The following TGFBRAP1 variants were observed in gnomAD, a reference collection of about 807,000 sequenced individuals.
TGFBRAP1 encodes transforming growth factor beta receptor associated protein 1, also known as transforming growth factor-beta receptor-associated protein 1.
In TGFBRAP1, 20 loss-of-function variants were observed where a neutral mutation model predicts 83.2. The observed-to-expected ratio is 0.24, with a 90% confidence interval of 0.17 to 0.35. The LOEUF (loss-of-function observed/expected upper bound fraction) is 0.35. Ranked by LOEUF, TGFBRAP1 falls within the 10% of genes least tolerant of loss-of-function variation. TGFBRAP1 has a pLI of 1.00. For missense variants in TGFBRAP1, 950 were observed against 1,099.4 expected (o/e 0.86, Z 1.92); for synonymous variants, 415 against 459.8 (o/e 0.90, Z 1.25).
chr2:105,329,735 C>G lies in TGFBRAP1; in HGVS notation c.-128G>C, dbSNP rs1450158614. 1 of 147,782 alleles carries G rather than the reference C, an allele frequency of 6.8e-6. No homozygotes were observed. Among genetic ancestry groups the G allele is most frequent in the Non-Finnish European group, 1.5e-5 (1 of 66,174 alleles). 9.2% of individuals were successfully genotyped at this position (147,782 alleles called of 1,614,324 possible). A position where few individuals can be genotyped will look rare whatever the true frequency, so the allele number is the denominator to read the frequency against. ...ACCCCGCAGCCGCCGCTTCCCGTCACGTGGGGCGGCCGCCAGGCGCTGGCG... is the reference window on the plus strand; with the variant it reads ...ACCCCGCAGCCGCCGCTTCCCGTCAGGTGGGGCGGCCGCCAGGCGCTGGCG... On this transcript the variant is annotated 5_prime_UTR_variant, in exon 1 of 12. Transcript: ENST00000393359.
chr2:105,280,305 G>T, intron 6 of TGFBRAP1, 77 bp downstream of exon 6: 1 of 1,472,746 alleles, frequency 6.8e-7, no homozygotes, highest in African/African-American at 1.4e-5. Flanking sequence ...GTCACTTCAC[G>T]AGGATCTCCC....
intron 1 of TGFBRAP1, among the ~76,000 whole-genome samples, chr2:105,317,444 AAAAAAG>A (rs1424302505): frequency 2.0e-5 from 3 of 152,138 alleles, no homozygotes; most frequent in African/African-American, 7.2e-5. Flanking sequence ...CAAAAAAAAA[AAAAAAG>A]AAAGCTAGAT....
At chr2:105,323,974 T>C (rs1014438024) in intron 1 of TGFBRAP1, among the ~76,000 whole-genome samples, 1 of 152,070 alleles carries the variant, frequency 6.6e-6, no homozygotes, top group African/African-American at 2.4e-5. Context: ...ACAAAATCTC[T>C]CACACCCTTT....
At chr2:105,285,087 G>A (rs145752091) in intron 4 of TGFBRAP1, among the ~76,000 whole-genome samples, 2 of 152,184 alleles carry the variant, frequency 1.3e-5, no homozygotes, top group South Asian at 2.1e-4. Flanking sequence ...TGGTGTCCTC[G>A]TCTTGCCATT....
At chr2:105,256,816 C>T in the TGFBRAP1 span, among the ~76,000 whole-genome samples, 1 of 152,162 alleles carries the variant, frequency 6.6e-6, no homozygotes, top group Admixed American at 6.5e-5. Flanking sequence ...AGAAGGTCGG[C>T]ACAAGATACA....
chr2:105,251,491 G>C, the TGFBRAP1 span, among the ~76,000 whole-genome samples: 276 of 151,614 alleles, frequency 1.8e-3, 2 homozygotes, highest in African/African-American at 6.2e-3. Flanking sequence ...GTCTCCGCCC[G>C]GCAGCCACAC....
intron 5 of TGFBRAP1, among the ~76,000 whole-genome samples, chr2:105,281,525 GTCC>G (rs1677537539): frequency 6.6e-6 from 1 of 152,176 alleles, no homozygotes; most frequent in Non-Finnish European, 1.5e-5. Flanking sequence ...CTGATCAGCT[GTCC>G]TCCTCTACTG....
chr2:105,270,680 G>A (rs1677123884), intron 10 of TGFBRAP1, among the ~76,000 whole-genome samples: 1 of 152,218 alleles, frequency 6.6e-6, no homozygotes, highest in Non-Finnish European at 1.5e-5. Context: ...GCCAAGGGCT[G>A]GCCCTGCAAG....
At chr2:105,306,400 C>T (rs968381271) in intron 2 of TGFBRAP1, among the ~76,000 whole-genome samples, 1 of 152,004 alleles carries the variant, frequency 6.6e-6, no homozygotes, top group African/African-American at 2.4e-5. Context: ...AAAGAATTTT[C>T]CCACTGTTAA....
In TGFBRAP1 at chr2:105,284,550, A is replaced by G. The variant is rs1677649921; in HGVS notation, c.1039-152T>C. On this transcript the variant is annotated intron_variant, in intron 4 of 11. Transcript: ENST00000393359. Reference sequence around the variant, plus strand: ...ACAAGGTGCATATGAAATTATATGTATCTGTCTCTTTATGGTTTTATTTTT... The same window carrying G: ...ACAAGGTGCATATGAAATTATATGTGTCTGTCTCTTTATGGTTTTATTTTT... 6.0e-6 allele frequency: 4 copies of G among 662,034 alleles called. No homozygotes were observed. The South Asian group carries it at 7.4e-5, about 12-fold the overall frequency. 41.0% of individuals were successfully genotyped at this position (662,034 alleles called of 1,614,324 possible). A position where few individuals can be genotyped will look rare whatever the true frequency, so the allele number is the denominator to read the frequency against.
At chr2:105,251,525 G>A in the TGFBRAP1 span, among the ~76,000 whole-genome samples, 1 of 147,930 alleles carries the variant, frequency 6.8e-6, no homozygotes, top group Admixed American at 6.8e-5. Context: ...GGTGGGGGGG[G>A]ATCAGCCCCC....
At chr2:105,250,678 T>G in the TGFBRAP1 span, among the ~76,000 whole-genome samples, 1 of 150,442 alleles carries the variant, frequency 6.6e-6, no homozygotes, top group East Asian at 2.0e-4. Flanking sequence ...TCTCCCTCTC[T>G]TTCCACGGTC....
Position 105,308,314 on chromosome 2 carries a change from A to G in TGFBRAP1, c.-13T>C. The G allele has an allele frequency of 6.3e-7, 1 of 1,592,680 alleles. No homozygotes were observed. The highest frequency in any genetic ancestry group is 8.6e-7 in the Non-Finnish European group (1 of 1,164,348). The stretch of plus-strand genomic sequence containing the variant: ...TGATGCTCATCATGTCTACTGGCTG[A>G]TCTGCTGGAAGAGAAAGAGGAAAAC... On this transcript the variant is annotated 5_prime_UTR_variant, in exon 2 of 12. Transcript: ENST00000393359.
Position 105,280,670 on chromosome 2 carries a change from G to A in TGFBRAP1, c.1175C>T (p.Pro392Leu). ...ELISLYPFLLPTSSSFTRSHP... is the reference protein window; with the variant it reads ...ELISLYPFLLLTSSSFTRSHP... The stretch of plus-strand genomic sequence containing the variant: ...GGACCGGGTGAAGGAGGAGGAGGTG[G>A]GCAACAGGAAGGGGTAGAGAGAGAT... The change falls in exon 6 of 12, where the codon CCC becomes CTC. Residue 392 changes from proline (P) to leucine (L), a missense_variant. Coordinates refer to ENST00000393359, the MANE Select transcript of TGFBRAP1 (RefSeq NM_004257.6). The A allele has an allele frequency of 1.2e-6, 2 of 1,614,162 alleles. No individual in the cohort carries two copies. The highest frequency in any genetic ancestry group is 1.7e-6 in the Non-Finnish European group (2 of 1,180,028).
rs201216017 is a variant in TGFBRAP1 at position 105,269,485 on chromosome 2, G to A, written c.2193C>T (p.His731=). Residue 731 remains histidine (H), a synonymous_variant, in exon 11 of 12, where the codon CAC becomes CAT. Coordinates refer to ENST00000393359, the MANE Select transcript of TGFBRAP1 (RefSeq NM_004257.6). The surrounding 1 kb of genome is among the most constrained non-coding windows in gnomAD (Gnocchi z 4.1). ...GGTCCACGGCAGCCACGGCCAGCTCGTGGGCAGTGGGGCCAGCATGCAGGT... is the reference window on the plus strand; with the variant it reads ...GGTCCACGGCAGCCACGGCCAGCTCATGGGCAGTGGGGCCAGCATGCAGGT... The part of the protein sequence containing the change: ...AIYLHAGPTA[H]ELAVAAVDLL... 1.2e-4 allele frequency: 188 copies of A among 1,613,498 alleles called. No individual in the cohort carries two copies. The highest frequency in any genetic ancestry group is 9.2e-4 in the Admixed American group (55 of 59,972).
chr2:105,308,799 GA>G (rs938678882), intron 1 of TGFBRAP1, among the ~76,000 whole-genome samples: 2 of 152,054 alleles, frequency 1.3e-5, no homozygotes, highest in African/African-American at 2.4e-5. Context: ...GAAAAAGGCA[GA>G]AATGATCCTC....
At chr2:105,314,529 C>A (rs142745686) in intron 1 of TGFBRAP1, among the ~76,000 whole-genome samples, 5 of 151,590 alleles carry the variant, frequency 3.3e-5, no homozygotes, top group African/African-American at 1.2e-4. Context: ...GGATTACAGG[C>A]GTGAGCCACC....
intron 8 of TGFBRAP1, among the ~76,000 whole-genome samples, chr2:105,274,033 TATA>T (rs1677250302): frequency 6.6e-6 from 1 of 152,220 alleles, no homozygotes; most frequent in Non-Finnish European, 1.5e-5. Flanking sequence ...TTTGACAACC[TATA>T]ATAATAACAT....
chr2:105,321,467 C>T (rs1410323299), intron 1 of TGFBRAP1, among the ~76,000 whole-genome samples: 1 of 151,988 alleles, frequency 6.6e-6, no homozygotes, highest in African/African-American at 2.4e-5. Flanking sequence ...CATGCCTGGC[C>T]TACAATGATG....
Sources: gnomAD v4.1 joint callset for allele counts (sites outside exome capture counted in the v4.1 genomes callset) on GRCh38, gnomAD v4.1.1 for gene constraint, Gnocchi (gnomAD v3.1) non-coding constraint, MANE v1.5 for transcripts, NCBI Gene and HGNC (gene_info 2026-07-23, HGNC 2026-07-21) for gene names.